Variants in RYR1 observed in about 807,000 individuals in gnomAD.
RYR1 encodes central core disease of muscle.
In RYR1, 342 loss-of-function variants were observed where a neutral mutation model predicts 583.5. The observed-to-expected ratio is 0.59, with a 90% CI of 0.54 to 0.64. RYR1 has a LOEUF of 0.64. Ranked by LOEUF, RYR1 falls within the 30% of genes least tolerant of loss-of-function variation. The pLI, the probability that RYR1 is intolerant of heterozygous loss-of-function variation, is 0.00. For missense variants in RYR1, 6,032 were observed against 6,917.2 expected, an observed-to-expected ratio of 0.87 and a Z score of 4.54; for synonymous variants, 2,791 against 2,822.5, an observed-to-expected ratio of 0.99 and a Z score of 0.35.
At chr19:38,556,828 T>C (rs1363268132) in intron 89 of RYR1, among the ~76,000 whole-genome samples, 1 of 152,176 alleles carries the variant, frequency 6.6e-6, no homozygotes, top group Non-Finnish European at 1.5e-5. Flanking sequence ...TGTCATTTCA[T>C]GTGTTCCTGT....
chr19:38,509,651 G>T (rs1346022313), intron 58 of RYR1, among the ~76,000 whole-genome samples: 1 of 151,802 alleles, frequency 6.6e-6, no homozygotes, highest in Non-Finnish European at 1.5e-5. Context: ...TAGAGATGGG[G>T]TTTCACCATG....
rs1288778808 is a variant in RYR1, at chr19:38,444,763, T to C, written c.631+86T>C. On this transcript the variant is annotated intron_variant, in intron 7 of 105. Transcript: ENST00000359596. The surrounding 1 kb of genome is among the most constrained non-coding windows in gnomAD (Gnocchi z 5.1). ...CCTTCAGGCATACCCAAATGGAGCC[T>C]TGGAACCTCAGACCTCAAACCTAGA... The C allele has an allele frequency of 3.8e-6, 4 of 1,039,726 alleles. No individual in the cohort carries two copies. Among genetic ancestry groups the C allele is most frequent in the Non-Finnish European group, 5.9e-6 (4 of 683,548 alleles). The allele number at this position is 1,039,726 out of a possible 1,614,324, so 64.4% of individuals were successfully genotyped here.
At position 38,444,318 on chromosome 19, in the gene RYR1, A is replaced by G. The variant is rs899177272; in HGVS notation, c.537+57A>G. 1.0e-5 allele frequency: 14 copies of G among 1,357,946 alleles called. No individual in the cohort carries two copies. Among genetic ancestry groups the G allele is most frequent in the Non-Finnish European group, 1.3e-5 (12 of 957,222 alleles). The allele number at this position is 1,357,946 out of a possible 1,614,324, so 84.1% of individuals were successfully genotyped here. A position where few individuals can be genotyped will look rare whatever the true frequency, so the allele number is the denominator to read the frequency against. On this transcript the variant is annotated intron_variant, in intron 6 of 105. Coordinates refer to ENST00000359596, the MANE Select transcript of RYR1 (RefSeq NM_000540.3). The surrounding 1 kb of genome is among the most constrained non-coding windows in gnomAD (Gnocchi z 5.1). ...TCTGGGGGCGCATGGGATGGTCCCCATCTTCTCACCATGGGTTTGCCTGGC... is the reference window on the plus strand; with the variant it reads ...TCTGGGGGCGCATGGGATGGTCCCCGTCTTCTCACCATGGGTTTGCCTGGC...
At chr19:38,456,090 G>GAACTCC (rs547632733) in intron 16 of RYR1, among the ~76,000 whole-genome samples, 1,824 of 149,896 alleles carry the variant, frequency 0.012, 35 homozygotes, top group African/African-American at 0.043. Context: ...TCCTGCCTCG[G>GAACTCC]CCTCCCAAGT....
chr19:38,510,624 T>A (rs1174570451), intron 59 of RYR1, 36 bp from the exon 60 acceptor site: 4 of 1,611,494 alleles, frequency 2.5e-6, no homozygotes, highest in African/African-American at 2.7e-5. Context: ...TCCCCACCCC[T>A]CATTGGACCC....
chr19:38,566,599 C>A (rs1395937987), intron 91 of RYR1, among the ~76,000 whole-genome samples: 1 of 151,918 alleles, frequency 6.6e-6, no homozygotes, highest in South Asian at 2.1e-4. Context: ...CCCAAACATC[C>A]TCAGGCCCTT....
chr19:38,457,995 T>G lies in RYR1; in HGVS notation c.1926-56T>G, dbSNP rs551520460. The G allele has an allele frequency of 4.4e-6, 7 of 1,589,864 alleles. No homozygotes were observed. In the South Asian group the frequency reaches 7.7e-5, roughly 18 times the overall value. On this transcript the variant is annotated intron_variant, in intron 17 of 105. Transcript: ENST00000359596. ...TGTCTCTCTCTGGCTTCCCACCACT[T>G]GGCTCTCCTCTCTGCCTCTCCGTCA...
intron 99 of RYR1, among the ~76,000 whole-genome samples, chr19:38,579,148 C>G (rs1278156595): frequency 2.6e-5 from 4 of 151,674 alleles, no homozygotes; most frequent in Non-Finnish European, 5.9e-5. Context: ...TGGCCAGGTG[C>G]GGTGGCTCAG....
intron 89 of RYR1, among the ~76,000 whole-genome samples, chr19:38,556,786 A>G (rs953215385): frequency 1.3e-5 from 2 of 152,154 alleles, no homozygotes; most frequent in Admixed American, 1.3e-4. Context: ...AGAGCTTCCC[A>G]TAGTCTGGAC....
intron 76 of RYR1, among the ~76,000 whole-genome samples, chr19:38,530,039 G>A (rs769623025): frequency 4.6e-5 from 7 of 151,224 alleles, no homozygotes; most frequent in Non-Finnish European, 1.0e-4. Context: ...GAGTGCAGTG[G>A]CACAATCTCA....
rs376031503 is a variant in RYR1 at position 38,566,373 on chromosome 19, C to T, written c.13438-538C>T. The stretch of plus-strand genomic sequence containing the variant: ...CTGAGGCAGGAGAATCGCTTGAACC[C>T]GGGAGGCAGAGGTTGCAGTGAGCCA... On this transcript the variant is annotated intron_variant, in intron 91 of 105. Transcript: ENST00000359596. Among the ~76,000 whole-genome samples, 17 of 136,542 alleles carry T rather than the reference C, an allele frequency of 1.2e-4. No individual in the cohort carries two copies. The East Asian group carries it at 3.0e-3, about 24-fold the overall frequency. The allele number at this position is 136,542 out of a possible 152,430, so 89.6% of individuals were successfully genotyped here. A position where few individuals can be genotyped will look rare whatever the true frequency, so the allele number is the denominator to read the frequency against.
At chr19:38,537,028 C>A in intron 83 of RYR1, 1 of 585,750 alleles carries the variant, frequency 1.7e-6, no homozygotes. Flanking sequence ...ATGTGTGAAG[C>A]AGAAGCTAGA....
chr19:38,496,445 C>T lies in RYR1; in HGVS notation c.6700C>T (p.Arg2234Cys), dbSNP rs201465595. 1.5e-5 allele frequency: 24 copies of T among 1,613,710 alleles called. No homozygotes were observed. Among genetic ancestry groups the T allele is most frequent in the Middle Eastern group, 1.6e-4 (1 of 6,084 alleles). The change falls in exon 41 of 106, where the codon CGC becomes TGC. Residue 2234 changes from arginine (R) to cysteine (C), a missense_variant. Around this residue, in one of 11 missense-constraint regions of RYR1, gnomAD observed 2,627 missense variants for 2,961.3 expected, o/e 0.89. Coordinates refer to ENST00000359596, the MANE Select transcript of RYR1 (RefSeq NM_000540.3). This position sits in a 1 kb window ranked among gnomAD's most constrained non-coding sequence, Gnocchi z 4.8. ...RFPKMVTSCC[R>C]FLCYFCRISR... ...CCCCAAGATGGTGACAAGCTGCTGC[C>T]GCTTCCTCTGCTATTTCTGCCGAAT...
At chr19:38,542,351 T>TA (rs1306107878) in intron 84 of RYR1, among the ~76,000 whole-genome samples, 1 of 152,058 alleles carries the variant, frequency 6.6e-6, no homozygotes, top group Non-Finnish European at 1.5e-5. Context: ...ATAGGAGGAA[T>TA]TTGATAAAAT....
intron 47 of RYR1, 146 bp from the exon 48 acceptor site, chr19:38,502,361 T>C: frequency 1.4e-6 from 1 of 725,098 alleles, no homozygotes; most frequent in Non-Finnish European, 2.4e-6. Context: ...GGGCATAGGG[T>C]GGGAGGAGGG....
chr19:38,504,706 C>T, intron 50 of RYR1, 42 bp from the exon 51 acceptor site: 1 of 1,593,628 alleles, frequency 6.3e-7, no homozygotes, highest in Non-Finnish European at 8.5e-7. Flanking sequence ...GTCAGTAAGG[C>T]TTATAGCGAC....
intron 56 of RYR1, 93 bp from the exon 57 acceptor site, chr19:38,506,736 A>G: frequency 6.3e-7 from 1 of 1,585,564 alleles, no homozygotes; most frequent in South Asian, 1.1e-5. Context: ...CTTTATCACC[A>G]TAATTACGCA....
chr19:38,515,223 A>C (rs1600881645), intron 64 of RYR1, 116 bp downstream of exon 64: 2 of 852,482 alleles, frequency 2.3e-6, no homozygotes, highest in Non-Finnish European at 3.8e-6. Context: ...TTTCCCGCAC[A>C]CGGCGGCAGC....
At chr19:38,456,792 A>G (rs1382755545) in intron 16 of RYR1, among the ~76,000 whole-genome samples, 1 of 150,736 alleles carries the variant, frequency 6.6e-6, no homozygotes, top group Non-Finnish European at 1.5e-5. Context: ...CACGCCTGTA[A>G]TCCCAGCACT....
Sources: gnomAD v4.1 joint callset for allele counts (sites outside exome capture counted in the v4.1 genomes callset) on GRCh38, gnomAD v4.1.1 for gene constraint, gnomAD v4.1.1 regional missense constraint, Gnocchi (gnomAD v3.1) non-coding constraint, MANE v1.5 for transcripts, NCBI Gene and HGNC (gene_info 2026-07-23, HGNC 2026-07-21) for gene names.